The following C9orf85 variants were observed in gnomAD, a reference collection of about 807,000 sequenced individuals.
C9orf85 encodes chromosome 9 open reading frame 85.
In C9orf85, 16 loss-of-function variants were observed where a neutral mutation model predicts 14.9. That is an observed-to-expected ratio of 1.08 (90% CI 0.73 to 1.63). The LOEUF is 1.63. Among genes scored for constraint, C9orf85 ranks in the 40% most tolerant of loss-of-function variants. C9orf85 has a pLI of 0.00. For missense variants in C9orf85, 172 were observed against 186.1 expected (o/e 0.92, Z 0.44); for synonymous variants, 45 against 56.8 (o/e 0.79, Z 0.93).
chr9:71,975,853 C>A (rs184478578), downstream of C9orf85, among the ~76,000 whole-genome samples: 309 of 152,212 alleles, frequency 2.0e-3, 1 homozygote, highest in African/African-American at 6.9e-3. Context: ...AATTTTCTGT[C>A]CATAAATTTG....
At chr9:71,946,810 A>C (rs553817938) in intron 1 of C9orf85, among the ~76,000 whole-genome samples, 196 bp from the exon 2 acceptor site, 2 of 152,240 alleles carry the variant, frequency 1.3e-5, no homozygotes, top group East Asian at 3.9e-4. Flanking sequence ...AAAACAAAAA[A>C]AAAAGAACGA....
At chr9:71,950,485 A>G (rs1463673591) in intron 2 of C9orf85, among the ~76,000 whole-genome samples, 6 of 152,080 alleles carry the variant, frequency 3.9e-5, no homozygotes, top group African/African-American at 1.5e-4. Context: ...CTTCTGCCTC[A>G]GCCTCTGGAG....
intron 1 of C9orf85, 30 bp downstream of exon 1, chr9:71,911,866 A>G: frequency 6.3e-7 from 1 of 1,595,552 alleles, no homozygotes. Flanking sequence ...ACCGTCTTTG[A>G]CTCCAGGAAG....
chr9:71,982,232 C>T (rs960405929), intron 3 of C9orf85, among the ~76,000 whole-genome samples: 6 of 151,066 alleles, frequency 4.0e-5, no homozygotes, highest in African/African-American at 9.8e-5. Context: ...GATAGTTCAT[C>T]ATTTTTTTTT....
At chr9:71,918,172 GA>G (rs893887559) in intron 1 of C9orf85, among the ~76,000 whole-genome samples, 50 of 151,590 alleles carry the variant, frequency 3.3e-4, no homozygotes, top group African/African-American at 1.0e-3. Context: ...CACAGGGAGG[GA>G]AAAAAAATAG....
At chr9:71,914,403 G>T (rs1429672179) in intron 1 of C9orf85, among the ~76,000 whole-genome samples, 1 of 151,780 alleles carries the variant, frequency 6.6e-6, no homozygotes, top group African/African-American at 2.4e-5. Flanking sequence ...AATTCTTCCA[G>T]TATGGCCCAG....
At chr9:71,974,275 C>T (rs1206726674), downstream of C9orf85, among the ~76,000 whole-genome samples, 3 of 143,920 alleles carry the variant, frequency 2.1e-5, no homozygotes, top group Admixed American at 7.2e-5. Flanking sequence ...GATGGAGTCT[C>T]GCTCTGTTGC....
At chr9:71,976,577 G>T (rs955522085), downstream of C9orf85, among the ~76,000 whole-genome samples, 6 of 151,794 alleles carry the variant, frequency 4.0e-5, no homozygotes, top group South Asian at 1.2e-3. Context: ...CAGGAGAATG[G>T]CATGAACCCG....
intron 2 of C9orf85, among the ~76,000 whole-genome samples, chr9:71,950,630 A>G (rs1331038583): frequency 6.6e-6 from 1 of 152,216 alleles, no homozygotes; most frequent in Non-Finnish European, 1.5e-5. Flanking sequence ...TCGGCTTCCC[A>G]AAGTGCTGGA....
chr9:71,932,850 A>C (rs1828102701), intron 1 of C9orf85, among the ~76,000 whole-genome samples: 1 of 152,188 alleles, frequency 6.6e-6, no homozygotes, highest in East Asian at 1.9e-4. Flanking sequence ...AGATACTCAA[A>C]GAACTAAAGA....
At chr9:71,932,814 T>C (rs539126231) in intron 1 of C9orf85, among the ~76,000 whole-genome samples, 8 of 152,136 alleles carry the variant, frequency 5.3e-5, no homozygotes, top group Non-Finnish European at 1.2e-4. Flanking sequence ...GGTGGATCTA[T>C]TAGAACTTTG....
downstream of C9orf85, chr9:71,985,880 G>A (rs1334354623): frequency 2.0e-5 from 3 of 152,138 alleles, no homozygotes; most frequent in Non-Finnish European, 4.4e-5. Context: ...GGAGGAAAAT[G>A]TATTTCTTAG....
chr9:71,978,445 T>A (rs1416901738), downstream of C9orf85, among the ~76,000 whole-genome samples: 1 of 152,202 alleles, frequency 6.6e-6, no homozygotes, highest in Non-Finnish European at 1.5e-5. Context: ...CAAATGTCTT[T>A]GAATTCAACA....
intron 1 of C9orf85, among the ~76,000 whole-genome samples, chr9:71,920,892 C>G (rs1250676331): frequency 1.3e-5 from 2 of 152,114 alleles, no homozygotes; most frequent in Admixed American, 6.6e-5. Flanking sequence ...TAATGGACCC[C>G]CCCTTTCAGC....
At chr9:71,927,954 G>A (rs1298846640) in intron 1 of C9orf85, among the ~76,000 whole-genome samples, 2 of 152,184 alleles carry the variant, frequency 1.3e-5, no homozygotes, top group African/African-American at 2.4e-5. Flanking sequence ...GGGAGGCCAA[G>A]GCGGGTGGAT....
At chr9:71,931,892 C>T (rs1223366123) in intron 1 of C9orf85, among the ~76,000 whole-genome samples, 3 of 152,162 alleles carry the variant, frequency 2.0e-5, no homozygotes, top group Non-Finnish European at 2.9e-5. Flanking sequence ...ATAGGGAACA[C>T]ATTTCTCTAG....
chr9:71,912,391 A>ACAG (rs1827529021), intron 1 of C9orf85, among the ~76,000 whole-genome samples: 2 of 152,202 alleles, frequency 1.3e-5, no homozygotes, highest in Non-Finnish European at 2.9e-5. Flanking sequence ...GGACTTCTGT[A>ACAG]AAGTCCTGCT....
intron 1 of C9orf85, among the ~76,000 whole-genome samples, chr9:71,941,632 A>G (rs1821931600): frequency 6.6e-6 from 1 of 152,214 alleles, no homozygotes; most frequent in Non-Finnish European, 1.5e-5. Flanking sequence ...GTAATAGGGG[A>G]AAAAACATAC....
intron 2 of C9orf85, among the ~76,000 whole-genome samples, chr9:71,950,857 T>A (rs1186371543): frequency 1.3e-5 from 2 of 152,214 alleles, no homozygotes; most frequent in African/African-American, 2.4e-5. Context: ...AAGTGACATT[T>A]CTTTTAGAAG....
Sources: gnomAD v4.1 joint callset for allele counts (sites outside exome capture counted in the v4.1 genomes callset) on GRCh38, gnomAD v4.1.1 for gene constraint, MANE v1.5 for transcripts, NCBI Gene and HGNC (gene_info 2026-07-23, HGNC 2026-07-21) for gene names.